The following BAZ2B variants were observed in gnomAD, a reference collection of about 807,000 sequenced individuals.
The protein encoded by BAZ2B is bromodomain adjacent to zinc finger domain protein 2B.
BAZ2B carries 91 observed loss-of-function variants against 246.0 expected under a neutral mutation model. That is an observed-to-expected ratio of 0.37 (90% CI 0.31 to 0.44). The LOEUF is 0.44. Ranked by LOEUF, BAZ2B falls within the 20% of genes least tolerant of loss-of-function variation. The probability of loss-of-function intolerance (pLI) is 1.00; values close to 1 mark genes in which losing one functional copy is unlikely to be tolerated. For synonymous variants in BAZ2B, 855 were observed against 860.0 expected (o/e 0.99, Z 0.10); for missense variants, 2,332 against 2,533.7 (o/e 0.92, Z 1.71).
At chr2:159,412,877 C>A (rs939606830) in intron 13 of BAZ2B, among the ~76,000 whole-genome samples, 1 of 152,090 alleles carries the variant, frequency 6.6e-6, no homozygotes, top group Admixed American at 6.6e-5. Flanking sequence ...GTTAGTTGTA[C>A]AATGATGCCA....
chr2:159,651,631 T>G, the BAZ2B span, among the ~76,000 whole-genome samples: 1 of 152,168 alleles, frequency 6.6e-6, no homozygotes, highest in Non-Finnish European at 1.5e-5. Context: ...TATAATTTAG[T>G]GCTTTTTAGT....
chr2:159,363,534 G>A (rs372042446), intron 27 of BAZ2B, among the ~76,000 whole-genome samples: 43 of 152,216 alleles, frequency 2.8e-4, no homozygotes, highest in African/African-American at 9.4e-4. Context: ...CAGCAGAGGC[G>A]GAAATGGAAA....
intron 2 of BAZ2B, among the ~76,000 whole-genome samples, chr2:159,502,043 G>A (rs147257827): frequency 5.3e-5 from 8 of 152,140 alleles, no homozygotes; most frequent in African/African-American, 1.4e-4. Context: ...TGAAAACACC[G>A]AGCTAAGTAA....
intron 1 of BAZ2B, among the ~76,000 whole-genome samples, chr2:159,599,822 G>A (rs562370403): frequency 1.3e-5 from 2 of 151,044 alleles, no homozygotes; most frequent in Non-Finnish European, 2.9e-5. Flanking sequence ...TGTAGTCCCA[G>A]CTACTCGGGA....
intron 16 of BAZ2B, among the ~76,000 whole-genome samples, chr2:159,402,691 C>T (rs1032161855): frequency 5.3e-5 from 8 of 152,148 alleles, no homozygotes; most frequent in Non-Finnish European, 1.0e-4. Flanking sequence ...TTCTCTTATG[C>T]ACAGACAGGC....
chr2:159,538,889 C>T (rs1331598222), intron 2 of BAZ2B, among the ~76,000 whole-genome samples: 3 of 152,186 alleles, frequency 2.0e-5, no homozygotes, highest in Non-Finnish European at 4.4e-5. Context: ...CAACATAACG[C>T]TTTTTCACTC....
chr2:159,649,999 T>C, the BAZ2B span, among the ~76,000 whole-genome samples: 8 of 152,196 alleles, frequency 5.3e-5, no homozygotes, highest in South Asian at 6.2e-4. Context: ...CTACAAGATA[T>C]GTCCTCTAGT....
chr2:159,335,743 C>T (rs1004026665), intron 33 of BAZ2B, among the ~76,000 whole-genome samples: 1 of 152,060 alleles, frequency 6.6e-6, no homozygotes, highest in Non-Finnish European at 1.5e-5. Context: ...AGAAAGAACT[C>T]TAAGTTATTT....
At position 159,382,657 on chromosome 2, in the gene BAZ2B, C is replaced by G. The variant is rs967630134; in HGVS notation, c.3907G>C (p.Asp1303His). 6.3e-7 allele frequency: 1 copy of G among 1,599,834 alleles called. No individual in the cohort carries two copies. The highest frequency in any genetic ancestry group is 1.3e-5 in the African/African-American group (1 of 74,730). The change falls in exon 25 of 37, where the codon GAT becomes CAT. Residue 1303 changes from aspartate to histidine, a missense_variant. Transcript: ENST00000392783. ...KGGDSDYDDD[D>H]DDDSDDQGDE... ...CCTTGGTCATCACTGTCATCGTCAT[C>G]ATCATCGTCATAATCACTGTCTCCT...
chr2:159,653,322 AAC>A, the BAZ2B span, among the ~76,000 whole-genome samples: 1 of 152,240 alleles, frequency 6.6e-6, no homozygotes, highest in African/African-American at 2.4e-5. Flanking sequence ...ATATTCAATA[AAC>A]ACGTGATATT....
intron 1 of BAZ2B, among the ~76,000 whole-genome samples, chr2:159,584,588 A>G (rs1466734303): frequency 6.6e-6 from 1 of 152,212 alleles, no homozygotes; most frequent in Admixed American, 6.5e-5. Context: ...TATACTTTCA[A>G]AGTAGAGTCA....
intron 2 of BAZ2B, among the ~76,000 whole-genome samples, chr2:159,508,042 T>C (rs1258332279): frequency 6.6e-6 from 1 of 152,162 alleles, no homozygotes; most frequent in Non-Finnish European, 1.5e-5. Context: ...AGCTAATTTT[T>C]GTATTTTTAG....
At chr2:159,341,162 T>C (rs1303274023) in intron 31 of BAZ2B, among the ~76,000 whole-genome samples, 1 of 151,746 alleles carries the variant, frequency 6.6e-6, no homozygotes, top group African/African-American at 2.4e-5. Flanking sequence ...AGACTGAAAG[T>C]GAATGGATGG....
At chr2:159,468,874 C>T (rs1195548798) in intron 3 of BAZ2B, among the ~76,000 whole-genome samples, 6 of 151,876 alleles carry the variant, frequency 4.0e-5, no homozygotes, top group Non-Finnish European at 8.8e-5. Flanking sequence ...GAAACCCCGT[C>T]TCTACTAAAA....
At chr2:159,624,090 C>T in the BAZ2B span, among the ~76,000 whole-genome samples, 63 of 152,144 alleles carry the variant, frequency 4.1e-4, no homozygotes, top group Non-Finnish European at 7.9e-4. Flanking sequence ...AGGTTCGAAC[C>T]GGGTGGAGCC....
At chr2:159,686,839 G>A in the BAZ2B span, among the ~76,000 whole-genome samples, 9 of 151,954 alleles carry the variant, frequency 5.9e-5, no homozygotes, top group South Asian at 2.1e-4. Context: ...TCAGGAGATC[G>A]AGACCACCCT....
intron 2 of BAZ2B, among the ~76,000 whole-genome samples, chr2:159,534,307 G>C (rs1422899871): frequency 6.6e-6 from 1 of 152,198 alleles, no homozygotes; most frequent in African/African-American, 2.4e-5. Flanking sequence ...CGTGAACCTA[G>C]ATGGTAAAGA....
intron 2 of BAZ2B, among the ~76,000 whole-genome samples, chr2:159,489,269 A>C (rs1559595983): frequency 2.6e-5 from 4 of 152,170 alleles, no homozygotes; most frequent in Admixed American, 2.6e-4. Flanking sequence ...CAGTAATCTG[A>C]ATAAAAAACT....
intron 1 of BAZ2B, among the ~76,000 whole-genome samples, chr2:159,590,610 AATAG>A (rs1489499300): frequency 2.0e-5 from 2 of 101,644 alleles, no homozygotes; most frequent in Non-Finnish European, 4.1e-5. Context: ...TAAATAAATA[AATAG>A]ATAGATAGAT....
Sources: allele counts gnomAD v4.1 joint callset (sites outside exome capture counted in the v4.1 genomes callset), GRCh38; gene constraint gnomAD v4.1.1; transcripts MANE v1.5; gene names NCBI Gene and HGNC (gene_info 2026-07-23, HGNC 2026-07-21).